ALDH2: variants seen among roughly 807,000 people sequenced by gnomAD.
ALDH2 encodes aldehyde dehydrogenase, mitochondrial.
In ALDH2, 44 loss-of-function variants were observed where a neutral mutation model predicts 59.6. The ratio of observed to expected loss-of-function variants is 0.74; its 90% CI spans 0.58 to 0.95. The LOEUF (loss-of-function observed/expected upper bound fraction) is 0.95, where lower values mean the gene tolerates loss of function less well. Among genes scored for constraint, ALDH2 ranks in the 40% least tolerant of loss-of-function variants. The pLI, the probability that ALDH2 is intolerant of heterozygous loss-of-function variation, is 0.00. For synonymous variants in ALDH2, 291 were observed against 284.0 expected (o/e 1.02, Z -0.25); for missense variants, 570 against 696.3 (o/e 0.82, Z 2.04).
intron 4 of ALDH2, among the ~76,000 whole-genome samples, chr12:111,786,185 A>G (rs1283183086): frequency 6.6e-6 from 1 of 151,934 alleles, no homozygotes; most frequent in Non-Finnish European, 1.5e-5. Flanking sequence ...CCTTCCTTTT[A>G]CTAGCTTTGG....
At position 111,792,731 on chromosome 12, in the gene ALDH2, G is replaced by C. The variant is rs1048844863; in HGVS notation, c.1032G>C (p.Lys344Asn). The change falls in exon 9 of 13, where the codon AAG becomes AAC. Residue 344 changes from lysine to asparagine, a missense_variant. Transcript: ENST00000261733. ...EFVERSVARA[K>N]SRVVGNPFDS... ...TGGAGCGGAGCGTTGCCCGGGCCAA[G>C]TCTCGGGTGGTCGGGAACCCCTTTG... The C allele has an allele frequency of 3.8e-6, 6 of 1,570,730 alleles. No homozygotes were observed. Among genetic ancestry groups the C allele is most frequent in the Non-Finnish European group, 3.5e-6 (4 of 1,158,404 alleles).
chr12:111,810,605 ATTTT>A lies in ALDH2; in HGVS notation c.*1047_*1050del, dbSNP rs911026675. The A allele has an allele frequency of 1.5e-5, 2 of 137,630 alleles. No individual in the cohort carries two copies. Among genetic ancestry groups the A allele is most frequent in the African/African-American group, 2.7e-5 (1 of 37,440 alleles). The allele number at this position is 137,630 out of a possible 1,614,324, so 8.5% of individuals were successfully genotyped here. On this transcript the variant is annotated 3_prime_UTR_variant, in exon 13 of 13. Coordinates refer to ENST00000261733, the MANE Select transcript of ALDH2 (RefSeq NM_000690.4). ...GATACTGAATGTCCAATGTTCTCAA[ATTTT>A]TTTTTTTTTTTTTTTTGAGACAGGG... is the stretch of plus-strand genomic sequence containing the variant.
intron 11 of ALDH2, 116 bp downstream of exon 11, chr12:111,800,179 G>T: frequency 7.7e-7 from 1 of 1,303,316 alleles, no homozygotes; most frequent in Non-Finnish European, 1.0e-6. Flanking sequence ...GTTTCTCCTG[G>T]GTCAGGGTGT....
In ALDH2 at chr12:111,767,006, C is replaced by CGGGCCCCGCCT; in HGVS notation, c.30_40dup (p.Arg14ProfsTer32). 1 of 1,522,670 alleles carries CGGGCCCCGCCT rather than the reference C, an allele frequency of 6.6e-7. No individual in the cohort carries two copies. Among genetic ancestry groups the CGGGCCCCGCCT allele is most frequent in the Non-Finnish European group, 8.8e-7 (1 of 1,141,488 alleles). 94.3% of individuals were successfully genotyped at this position (1,522,670 alleles called of 1,614,324 possible). On this transcript the variant is annotated frameshift_variant, in exon 1 of 13. Transcript: ENST00000261733. LOFTEE classifies it high-confidence loss of function. ...CGATGTTGCGCGCTGCCGCCCGCTT[C>CGGGCCCCGCCT]GGGCCCCGCCTGGGCCGCCGCCTCT...
chr12:111,802,744 G>A (rs1191518622), intron 11 of ALDH2, among the ~76,000 whole-genome samples: 2 of 151,112 alleles, frequency 1.3e-5, no homozygotes, highest in Non-Finnish European at 1.5e-5. Flanking sequence ...GCCGGGTGTG[G>A]TGGCGGGCAC....
chr12:111,769,259 C>T (rs1423431957), intron 1 of ALDH2, among the ~76,000 whole-genome samples: 1 of 152,038 alleles, frequency 6.6e-6, no homozygotes, highest in Non-Finnish European at 1.5e-5. Context: ...TGACTTACAA[C>T]TCTCTGGACA....
intron 1 of ALDH2, among the ~76,000 whole-genome samples, chr12:111,775,072 C>T (rs1318220656): frequency 6.6e-6 from 1 of 152,218 alleles, no homozygotes; most frequent in African/African-American, 2.4e-5. Context: ...TTGAGGAACG[C>T]TATGTGGCTT....
Position 111,803,992 on chromosome 12 carries a change from G to C in ALDH2, c.1521+19G>C. Reference sequence around the variant, plus strand: ...GAAAACTGTGAGTGTGGGACCTGCTGGGGGCTCAGGGCCTGTTGGGGCTTG... The same window carrying C: ...GAAAACTGTGAGTGTGGGACCTGCTCGGGGCTCAGGGCCTGTTGGGGCTTG... On this transcript the variant is annotated intron_variant, in intron 12 of 12. Coordinates refer to ENST00000261733, the MANE Select transcript of ALDH2 (RefSeq NM_000690.4). 6.3e-7 allele frequency: 1 copy of C among 1,574,956 alleles called. No individual in the cohort carries two copies. Among genetic ancestry groups the C allele is most frequent in the Non-Finnish European group, 8.7e-7 (1 of 1,155,554 alleles).
chr12:111,774,066 A>G (rs1468231212), intron 1 of ALDH2, among the ~76,000 whole-genome samples: 3 of 152,242 alleles, frequency 2.0e-5, no homozygotes, highest in African/African-American at 7.2e-5. Context: ...GAGGTTGCCA[A>G]ACCGTAAGCA....
At chr12:111,801,505 C>T (rs1387920605) in intron 11 of ALDH2, among the ~76,000 whole-genome samples, 2 of 151,952 alleles carry the variant, frequency 1.3e-5, no homozygotes, top group Non-Finnish European at 2.9e-5. Flanking sequence ...TTGAGACCAG[C>T]CTGGCCAACA....
rs2068437920 is a variant in ALDH2, at chr12:111,799,994, C to T, written c.1337C>T (p.Ala446Val). 1 of 1,613,968 alleles carries T rather than the reference C, an allele frequency of 6.2e-7. No homozygotes were observed. The highest frequency in any genetic ancestry group is 8.5e-7 in the Non-Finnish European group (1 of 1,179,996). ...RANNSTYGLA[A>V]AVFTKDLDKA... ...AACAATTCCACGTACGGGCTGGCCGCAGCTGTCTTCACAAAGGATTTGGAC... is the reference window on the plus strand; with the variant it reads ...AACAATTCCACGTACGGGCTGGCCGTAGCTGTCTTCACAAAGGATTTGGAC... The change falls in exon 11 of 13, where the codon GCA (alanine) becomes GTA (valine). Residue 446 changes from alanine to valine, a missense_variant. Transcript: ENST00000261733.
chr12:111,793,882 C>G (rs1418583480), intron 9 of ALDH2, among the ~76,000 whole-genome samples: 2 of 151,924 alleles, frequency 1.3e-5, no homozygotes, highest in East Asian at 1.9e-4. Context: ...TACTATGGGC[C>G]TAGACAAATG....
At chr12:111,776,088 C>T (rs2068232321) in intron 1 of ALDH2, among the ~76,000 whole-genome samples, 1 of 152,160 alleles carries the variant, frequency 6.6e-6, no homozygotes, top group Non-Finnish European at 1.5e-5. Context: ...TTTCCAGGAT[C>T]CTAATCTAAA....
Position 111,766,952 on chromosome 12 carries a change from C to G in ALDH2, c.-31C>G, listed in dbSNP as rs533001896. On this transcript the variant is annotated 5_prime_UTR_variant, in exon 1 of 13. Coordinates refer to ENST00000261733, the MANE Select transcript of ALDH2 (RefSeq NM_000690.4). ...GGCCCTGAGACCCTAGCTCTGCTCT[C>G]GGTCCGCTCGCTGTCCGCTAGCCCG... 1 of 1,508,960 alleles carries G rather than the reference C, an allele frequency of 6.6e-7. No individual in the cohort carries two copies. Among genetic ancestry groups the G allele is most frequent in the Non-Finnish European group, 8.8e-7 (1 of 1,132,652 alleles). 93.5% of individuals were successfully genotyped at this position (1,508,960 alleles called of 1,614,324 possible).
intron 10 of ALDH2, 49 bp from the exon 11 acceptor site, chr12:111,799,857 C>A: frequency 6.3e-7 from 1 of 1,577,384 alleles, no homozygotes; most frequent in Non-Finnish European, 8.6e-7. Flanking sequence ...AGCTCGATGG[C>A]AGGTGCCTCC....
At chr12:111,797,690 G>C (rs1187267643) in intron 9 of ALDH2, among the ~76,000 whole-genome samples, 1 of 152,044 alleles carries the variant, frequency 6.6e-6, no homozygotes, top group African/African-American at 2.4e-5. Flanking sequence ...ATTCCTAGAA[G>C]TTAAATAGCT....
chr12:111,816,690 A>C lies in ALDH2; in HGVS notation c.*7115A>C, dbSNP rs566042771. 4 of 152,296 alleles carry C rather than the reference A, an allele frequency of 2.6e-5. No individual in the cohort carries two copies. In the East Asian group the frequency reaches 7.7e-4, roughly 29 times the overall value. The allele number at this position is 152,296 out of a possible 1,614,324, so 9.4% of individuals were successfully genotyped here. On this transcript the variant is annotated 3_prime_UTR_variant, in exon 13 of 13. Coordinates refer to ENST00000261733, the MANE Select transcript of ALDH2 (RefSeq NM_000690.4). Reference sequence around the variant, plus strand: ...ATTGGCAGTCCATCCAATTTTACAGACTATGAACAGAAGACAGAGACAAAA... The same window carrying C: ...ATTGGCAGTCCATCCAATTTTACAGCCTATGAACAGAAGACAGAGACAAAA...
intron 8 of ALDH2, 145 bp from the exon 9 acceptor site, chr12:111,792,453 C>T (rs2068368518): frequency 1.0e-6 from 1 of 986,526 alleles, no homozygotes; most frequent in Non-Finnish European, 1.5e-6. Flanking sequence ...CCGAGAGCAC[C>T]CCTCATCTCC....
chr12:111,799,755 T>G, intron 10 of ALDH2, 151 bp from the exon 11 acceptor site: 14 of 942,474 alleles, frequency 1.5e-5, no homozygotes, highest in Non-Finnish European at 2.1e-5. Flanking sequence ...TGTGTTCTGC[T>G]GAGCTTGATG....
Sources: gnomAD v4.1 joint callset for allele counts (sites outside exome capture counted in the v4.1 genomes callset) on GRCh38, gnomAD v4.1.1 for gene constraint, MANE v1.5 for transcripts, NCBI Gene and HGNC (gene_info 2026-07-23, HGNC 2026-07-21) for gene names.